The following FMO4 variants were observed in gnomAD, a reference collection of about 807,000 sequenced individuals.
FMO4 encodes the protein dimethylaniline monooxygenase [N-oxide-forming] 4.
Under a neutral mutation model 43.3 loss-of-function variants are expected in FMO4, and 38 were observed. The observed-to-expected ratio is 0.88, with a 90% CI of 0.68 to 1.15. The LOEUF is 1.15. Among genes scored for constraint, FMO4 ranks in the 50% most tolerant of loss-of-function variants. The pLI, the probability that FMO4 is intolerant of heterozygous loss-of-function variation, is 0.00. For missense variants in FMO4, 631 were observed against 663.3 expected (o/e 0.95, Z 0.54); for synonymous variants, 224 against 232.2 (o/e 0.96, Z 0.32).
rs1663387902 is a variant in FMO4, at chr1:171,341,804, A to G, written c.1642A>G (p.Met548Val). 1 of 1,613,380 alleles carries G rather than the reference A, an allele frequency of 6.2e-7. No homozygotes were observed. The highest frequency in any genetic ancestry group is 8.5e-7 in the Non-Finnish European group (1 of 1,179,670). ...KLVRDKLQDRMSPYLVSLWRG is the reference protein window; with the variant it reads ...KLVRDKLQDRVSPYLVSLWRG ...GGTGAGAGATAAACTACAGGACAGA[A>G]TGTCCCCTTACCTAGTAAGTCTTTG... The change falls in exon 10 of 10, where the codon ATG (methionine) becomes GTG (valine). Residue 548 changes from methionine to valine, a missense_variant. By Grantham distance (21) the Met-to-Val change is conservative (BLOSUM62 1). Transcript: ENST00000367749.
intron 2 of FMO4, among the ~76,000 whole-genome samples, chr1:171,318,427 G>A (rs1662280448): frequency 6.6e-6 from 1 of 152,070 alleles, no homozygotes; most frequent in Non-Finnish European, 1.5e-5. Context: ...AAGGCAGGAG[G>A]ATCACCTGAG....
chr1:171,321,659 C>T (rs1251571463), intron 3 of FMO4, among the ~76,000 whole-genome samples: 1 of 146,962 alleles, frequency 6.8e-6, no homozygotes, highest in Non-Finnish European at 1.5e-5. Flanking sequence ...CCTACAGATA[C>T]AGAGGGCCAG....
rs1309515402 is a variant in FMO4 at position 171,334,570 on chromosome 1, A to G, written c.987A>G (p.Gly329=). 3.1e-6 allele frequency: 5 copies of G among 1,613,824 alleles called. No homozygotes were observed. The highest frequency in any genetic ancestry group is 4.2e-6 in the Non-Finnish European group (5 of 1,179,734). ...ENIDVVIFTT[G]YTFSFPFFEE... ...TTGATGTTGTGATCTTCACTACAGGATATACATTTTCTTTTCCATTTTTTG... is the reference window on the plus strand; with the variant it reads ...TTGATGTTGTGATCTTCACTACAGGGTATACATTTTCTTTTCCATTTTTTG... Residue 329 remains glycine, a synonymous_variant, in exon 8 of 10, where the codon GGA becomes GGG. Coordinates refer to ENST00000367749, the MANE Select transcript of FMO4 (RefSeq NM_002022.3).
chr1:171,319,596 A>C (rs1662322541), intron 2 of FMO4, among the ~76,000 whole-genome samples: 1 of 152,184 alleles, frequency 6.6e-6, no homozygotes, highest in African/African-American at 2.4e-5. Context: ...AGTCCTAGAC[A>C]GGATAGTTAG....
At chr1:171,337,534 T>A in intron 9 of FMO4, 109 bp downstream of exon 9, 1 of 749,812 alleles carries the variant, frequency 1.3e-6, no homozygotes. Context: ...AGGTTGGAAA[T>A]AACTCTGCAT....
chr1:171,316,383 T>C (rs1662203285), intron 2 of FMO4, 56 bp downstream of exon 2: 1 of 152,186 alleles, frequency 6.6e-6, no homozygotes, highest in South Asian at 2.1e-4. Context: ...GTATGAACTG[T>C]CTTTTCCAAG....
chr1:171,333,543 T>G (rs1427664394), intron 7 of FMO4, among the ~76,000 whole-genome samples: 1 of 152,144 alleles, frequency 6.6e-6, no homozygotes, highest in Non-Finnish European at 1.5e-5. Context: ...TATTTTAATA[T>G]ACATCTGTAT....
intron 5 of FMO4, among the ~76,000 whole-genome samples, chr1:171,325,581 G>T (rs1245782477): frequency 6.6e-6 from 1 of 152,026 alleles, no homozygotes; most frequent in Non-Finnish European, 1.5e-5. Flanking sequence ...ACATAATTTT[G>T]CAAGGAAACA....
intron 3 of FMO4, 107 bp downstream of exon 3, chr1:171,320,064 G>T: frequency 1.7e-6 from 2 of 1,184,040 alleles, no homozygotes; most frequent in Non-Finnish European, 1.2e-6. Context: ...GTGGCTTACT[G>T]CAACGGCACA....
chr1:171,334,314 C>T, intron 7 of FMO4, 97 bp from the exon 8 acceptor site: 1 of 706,408 alleles, frequency 1.4e-6, no homozygotes, highest in Non-Finnish European at 2.3e-6. Context: ...TCTTCCTTAG[C>T]TTGGCAGGTA....
chr1:171,339,250 G>A (rs778039323), intron 9 of FMO4, among the ~76,000 whole-genome samples: 22 of 152,224 alleles, frequency 1.4e-4, no homozygotes, highest in Admixed American at 1.3e-4. Flanking sequence ...CTGATCAGAC[G>A]TTGTTCTCAC....
chr1:171,332,591 A>G, intron 6 of FMO4, 118 bp from the exon 7 acceptor site: 1 of 756,470 alleles, frequency 1.3e-6, no homozygotes, highest in South Asian at 1.8e-5. Flanking sequence ...GTACAAATTC[A>G]CCAATCCTCT....
rs746984414 is a variant in FMO4 at position 171,324,139 on chromosome 1, C to T, written c.323C>T (p.Thr108Ile). Residue 108 changes from threonine (T) to isoleucine (I), a missense_variant and splice_region_variant, in exon 5 of 10, where the codon ACC (threonine) becomes ATC (isoleucine). Coordinates refer to ENST00000367749, the MANE Select transcript of FMO4 (RefSeq NM_002022.3). ...FDLLKYIQFK[T>I]TVCSITKRPD... ...TGAGTGTTTGTCTTTCACTTTTAGA[C>T]CACTGTGTGCAGCATAACGAAGCGT... 51 of 1,607,174 alleles carry T rather than the reference C, an allele frequency of 3.2e-5. No individual in the cohort carries two copies. The highest frequency in any genetic ancestry group is 3.8e-5 in the Non-Finnish European group (45 of 1,177,142).
chr1:171,339,131 G>C (rs1418505334), intron 9 of FMO4, among the ~76,000 whole-genome samples: 1 of 152,100 alleles, frequency 6.6e-6, no homozygotes, highest in African/African-American at 2.4e-5. Flanking sequence ...TTCAGTCCAC[G>C]TACACCAAGT....
At chr1:171,333,552 A>G (rs1370885023) in intron 7 of FMO4, among the ~76,000 whole-genome samples, 1 of 152,126 alleles carries the variant, frequency 6.6e-6, no homozygotes, top group East Asian at 1.9e-4. Flanking sequence ...ATACATCTGT[A>G]TAGAGTTGCA....
chr1:171,323,344 A>C, intron 4 of FMO4, 152 bp downstream of exon 4: 1 of 612,212 alleles, frequency 1.6e-6, no homozygotes, highest in Non-Finnish European at 2.8e-6. Flanking sequence ...GCTGCTGCTC[A>C]AGTTTTACTC....
chr1:171,341,770 C>A lies in FMO4; in HGVS notation c.1608C>A (p.Phe536Leu). 1 of 1,613,878 alleles carries A rather than the reference C, an allele frequency of 6.2e-7. No homozygotes were observed. The highest frequency in any genetic ancestry group is 8.5e-7 in the Non-Finnish European group (1 of 1,179,928). ...SLLLICKSSL[F>L]LKLVRDKLQD... Reference sequence around the variant, plus strand: ...TACTTATCTGTAAATCTTCACTTTTCTTGAAATTGGTGAGAGATAAACTAC... The same window carrying A: ...TACTTATCTGTAAATCTTCACTTTTATTGAAATTGGTGAGAGATAAACTAC... The change falls in exon 10 of 10, where the codon TTC becomes TTA. Residue 536 changes from phenylalanine (F) to leucine (L), a missense_variant. Physicochemically the swap from Phe to Leu is conservative, Grantham distance 22 (BLOSUM62 0). Coordinates refer to ENST00000367749, the MANE Select transcript of FMO4 (RefSeq NM_002022.3).
chr1:171,326,974 CAGA>C (rs552398929), intron 5 of FMO4, among the ~76,000 whole-genome samples: 23 of 152,238 alleles, frequency 1.5e-4, no homozygotes, highest in African/African-American at 5.5e-4. Flanking sequence ...ATCATTGACT[CAGA>C]ACTATCTACA....
chr1:171,340,973 C>T (rs942007022), intron 9 of FMO4, among the ~76,000 whole-genome samples: 1 of 151,902 alleles, frequency 6.6e-6, no homozygotes, highest in Non-Finnish European at 1.5e-5. Context: ...ACATAAAAAG[C>T]AGAACTTTAA....
Sources: gnomAD v4.1 joint callset for allele counts (sites outside exome capture counted in the v4.1 genomes callset) on GRCh38, gnomAD v4.1.1 for gene constraint, MANE v1.5 for transcripts, NCBI Gene and HGNC (gene_info 2026-07-23, HGNC 2026-07-21) for gene names.